The following ANKRD17 variants were observed in gnomAD, a reference collection of about 807,000 sequenced individuals.
ANKRD17 encodes the protein ankyrin repeat domain 17, also known as ankyrin repeat domain-containing protein 17.
Under a neutral mutation model 229.7 loss-of-function variants are expected in ANKRD17, and 19 were observed. That is an observed-to-expected ratio of 0.08 (90% CI 0.06 to 0.12). The LOEUF (loss-of-function observed/expected upper bound fraction) is 0.12. Ranked by LOEUF, ANKRD17 falls within the 10% of genes least tolerant of loss-of-function variation. The pLI is 1.00. For missense variants in ANKRD17, 2,176 were observed against 3,176.8 expected (o/e 0.68, Z 7.57); for synonymous variants, 1,112 against 1,146.1 (o/e 0.97, Z 0.60).
chr4:73,110,011 CAAAAAAAA>C (rs1175850592), intron 24 of ANKRD17, among the ~76,000 whole-genome samples: 3 of 33,220 alleles, frequency 9.0e-5, no homozygotes, highest in African/African-American at 4.2e-4. Context: ...AAAAGTTTAC[CAAAAAAAA>C]AAAAAAAAAA....
intron 1 of ANKRD17, among the ~76,000 whole-genome samples, chr4:73,206,325 T>C (rs1223295063): frequency 6.6e-6 from 1 of 151,128 alleles, no homozygotes; most frequent in African/African-American, 2.4e-5. Context: ...ACCACCAAGA[T>C]ACGGAATAAA....
At chr4:73,182,696 T>A (rs1309038663) in intron 1 of ANKRD17, among the ~76,000 whole-genome samples, 3 of 152,204 alleles carry the variant, frequency 2.0e-5, no homozygotes, top group Admixed American at 1.3e-4. Flanking sequence ...TAAACAATAA[T>A]CTACTAGAAC....
chr4:73,163,046 G>C (rs75792619), intron 2 of ANKRD17, among the ~76,000 whole-genome samples: 5 of 89,786 alleles, frequency 5.6e-5, no homozygotes. Context: ...TTTTTTTTTT[G>C]TTAGAGACAG....
At chr4:73,169,466 C>A (rs1733685514) in intron 2 of ANKRD17, among the ~76,000 whole-genome samples, 1 of 151,672 alleles carries the variant, frequency 6.6e-6, no homozygotes, top group African/African-American at 2.4e-5. Context: ...ACTAGCCACC[C>A]TGAAGGGAAA....
intron 2 of ANKRD17, among the ~76,000 whole-genome samples, chr4:73,162,809 T>C (rs1028207507): frequency 2.6e-5 from 4 of 152,106 alleles, no homozygotes; most frequent in Non-Finnish European, 4.4e-5. Context: ...CAGTGGTGCT[T>C]AATCCAAGCT....
chr4:73,170,758 G>C (rs1281882453), intron 2 of ANKRD17, among the ~76,000 whole-genome samples: 1 of 152,176 alleles, frequency 6.6e-6, no homozygotes, highest in East Asian at 1.9e-4. Flanking sequence ...TGGGCCTCTG[G>C]TGGTGACGGC....
At chr4:73,160,843 CTTT>C (rs879901617) in intron 3 of ANKRD17, among the ~76,000 whole-genome samples, 1 of 152,146 alleles carries the variant, frequency 6.6e-6, no homozygotes, top group African/African-American at 2.4e-5. Flanking sequence ...ACATTTACTT[CTTT>C]GTCACCAATA....
intron 30 of ANKRD17, among the ~76,000 whole-genome samples, 169 bp downstream of exon 30, chr4:73,085,080 C>T (rs1030708484): frequency 3.9e-5 from 6 of 152,036 alleles, no homozygotes; most frequent in African/African-American, 1.4e-4. Context: ...TTTGATAGAA[C>T]CTAGGTTGAT....
At chr4:73,255,850 A>G (rs1406222746) in intron 1 of ANKRD17, among the ~76,000 whole-genome samples, 1 of 152,020 alleles carries the variant, frequency 6.6e-6, no homozygotes, top group Non-Finnish European at 1.5e-5. Flanking sequence ...CAGCCTCCCA[A>G]GTAGCTGAGA....
chr4:73,092,135 G>A lies in ANKRD17; in HGVS notation c.5493C>T (p.Ser1831=), dbSNP rs1422992425. The change falls in exon 29 of 34, where the codon TCC becomes TCT. Residue 1831 remains serine, a synonymous_variant. Transcript: ENST00000358602. ...SAPTTTAANT[S]LMGIKMTTVA... is the part of the protein sequence containing the mutation. ...CAGTTGTCATTTTAATTCCCATTAAGGAAGTGTTAGCAGCAGTGGTGGTAG... is the reference window on the plus strand; with the variant it reads ...CAGTTGTCATTTTAATTCCCATTAAAGAAGTGTTAGCAGCAGTGGTGGTAG... The A allele has an allele frequency of 6.2e-7, 1 of 1,614,164 alleles. No homozygotes were observed. Among genetic ancestry groups the A allele is most frequent in the Non-Finnish European group, 8.5e-7 (1 of 1,180,026 alleles).
chr4:73,147,222 C>T lies in ANKRD17; in HGVS notation c.1759+19G>A, dbSNP rs1312918176. On this transcript the variant is annotated intron_variant, in intron 9 of 33. Transcript: ENST00000358602. Reference sequence around the variant, plus strand: ...AACAAATCATGTAAAAAACTTCTCCCAAATGCAAAAATGCCTACCTGCAGC... The same window carrying T: ...AACAAATCATGTAAAAAACTTCTCCTAAATGCAAAAATGCCTACCTGCAGC... The T allele has an allele frequency of 7.9e-6, 12 of 1,513,542 alleles. No individual in the cohort carries two copies. Among genetic ancestry groups the T allele is most frequent in the Non-Finnish European group, 1.1e-5 (12 of 1,130,662 alleles). 93.8% of individuals were successfully genotyped at this position (1,513,542 alleles called of 1,614,324 possible).
At chr4:73,182,979 C>A (rs1226646192) in intron 1 of ANKRD17, among the ~76,000 whole-genome samples, 1 of 152,030 alleles carries the variant, frequency 6.6e-6, no homozygotes, top group East Asian at 1.9e-4. Flanking sequence ...AAATTAAAAA[C>A]AACAACAACA....
intron 1 of ANKRD17, among the ~76,000 whole-genome samples, chr4:73,188,451 G>A (rs1736589648): frequency 6.6e-6 from 1 of 152,002 alleles, no homozygotes; most frequent in African/African-American, 2.4e-5. Context: ...CGGGCATGGT[G>A]GTATGCGCCT....
Position 73,142,291 on chromosome 4 carries a change from G to A in ANKRD17, c.2180C>T (p.Pro727Leu), listed in dbSNP as rs759197146. 5 of 1,558,398 alleles carry A rather than the reference G, an allele frequency of 3.2e-6. No individual in the cohort carries two copies. Among genetic ancestry groups the A allele is most frequent in the Non-Finnish European group, 4.3e-6 (5 of 1,165,164 alleles). The change falls in exon 13 of 34, where the codon CCT becomes CTT. Residue 727 changes from proline (P) to leucine (L), a missense_variant. This residue lies in a region of ANKRD17 where 275 missense variants were observed against 386.9 expected (regional missense o/e 0.71). Transcript: ENST00000358602. ...LDYPNNLLSA[P>L]PPDVTQLTPP... ...AGTTAACTGAGTGACATCTGGTGGA[G>A]GGGCTGAAAGCAAGTTATTAGGATA...
At chr4:73,076,408 G>T in intron 33 of ANKRD17, 118 bp from the exon 34 acceptor site, 2 of 630,158 alleles carry the variant, frequency 3.2e-6, no homozygotes, top group East Asian at 3.5e-5. Flanking sequence ...GGAACTAATG[G>T]AAAAAAATGA....
chr4:73,139,047 G>T (rs1221243893), intron 15 of ANKRD17, among the ~76,000 whole-genome samples: 1 of 148,278 alleles, frequency 6.7e-6, no homozygotes, highest in Non-Finnish European at 1.5e-5. Flanking sequence ...TTGTAAAAGT[G>T]TTTTTTTTTT....
chr4:73,117,340 C>T (rs554552488), intron 22 of ANKRD17, among the ~76,000 whole-genome samples: 7 of 152,326 alleles, frequency 4.6e-5, no homozygotes, highest in Admixed American at 1.3e-4. Context: ...ATAAGATCTA[C>T]AAGCACTAAA....
At position 73,223,084 on chromosome 4, in the gene ANKRD17, A is replaced by C. The variant is rs1038330244; in HGVS notation, c.393+35192T>G. On this transcript the variant is annotated intron_variant, in intron 1 of 33. Coordinates refer to ENST00000358602, the MANE Select transcript of ANKRD17 (RefSeq NM_032217.5). ...CTATGATTAGATCATTGCCAGCAGG[A>C]ACACTCCTCTGTGTCAGCAAGGGAA... 2.6e-6 allele frequency: 4 copies of C among 1,522,822 alleles called. No individual in the cohort carries two copies. In the African/African-American group the frequency reaches 4.1e-5, roughly 16 times the overall value. The allele number at this position is 1,522,822 out of a possible 1,614,324, so 94.3% of individuals were successfully genotyped here.
intron 30 of ANKRD17, among the ~76,000 whole-genome samples, chr4:73,080,232 G>C (rs898229983): frequency 6.6e-6 from 1 of 152,024 alleles, no homozygotes; most frequent in Non-Finnish European, 1.5e-5. Flanking sequence ...AACTGCAGTT[G>C]AATTCCAAAT....
Sources: gnomAD v4.1 joint callset for allele counts (sites outside exome capture counted in the v4.1 genomes callset) on GRCh38, gnomAD v4.1.1 for gene constraint, gnomAD v4.1.1 regional missense constraint, MANE v1.5 for transcripts, NCBI Gene and HGNC (gene_info 2026-07-23, HGNC 2026-07-21) for gene names.